Variants in AJAP1 observed in about 807,000 individuals in gnomAD.
The protein encoded by AJAP1 is adherens junction-associated protein 1.
AJAP1 carries 5 observed loss-of-function variants against 35.0 expected under a neutral mutation model. The ratio of observed to expected loss-of-function variants is 0.14; its 90% CI spans 0.07 to 0.30. AJAP1 has a LOEUF of 0.30. Among genes scored for constraint, AJAP1 ranks in the 10% least tolerant of loss-of-function variants. AJAP1 has a pLI of 1.00. For synonymous variants in AJAP1, 284 were observed against 249.3 expected, an observed-to-expected ratio of 1.14 and a Z score of -1.31; for missense variants, 586 against 571.0, an observed-to-expected ratio of 1.03 and a Z score of -0.27.
chr1:4,713,687 T>A (rs755679886), intron 2 of AJAP1, among the ~76,000 whole-genome samples: 3 of 152,230 alleles, frequency 2.0e-5, no homozygotes, highest in Non-Finnish European at 4.4e-5. Context: ...ATGTGCCAGG[T>A]TGGCTCAGAA....
chr1:4,692,356 G>A lies in AJAP1; in HGVS notation c.30-19544G>A, dbSNP rs983005872. On this transcript the variant is annotated intron_variant, in intron 1 of 5. Coordinates refer to ENST00000378191, the MANE Select transcript of AJAP1 (RefSeq NM_018836.4). The surrounding 1 kb of genome is among the most constrained non-coding windows in gnomAD (Gnocchi z 4.4). ...CCCCTCATGCAGCCCTTTCCCTTCTGGCCTCTCAGCCTGCAGGAGAGGCTG... is the reference window on the plus strand; with the variant it reads ...CCCCTCATGCAGCCCTTTCCCTTCTAGCCTCTCAGCCTGCAGGAGAGGCTG... Among the ~76,000 whole-genome samples the A allele has an allele frequency of 2.0e-5, 3 of 152,050 alleles. No individual in the cohort carries two copies. Among genetic ancestry groups the A allele is most frequent in the Middle Eastern group, 3.2e-3 (1 of 316 alleles).
intron 1 of AJAP1, among the ~76,000 whole-genome samples, chr1:4,686,917 T>G (rs1639619426): frequency 6.6e-6 from 1 of 152,194 alleles, no homozygotes; most frequent in Non-Finnish European, 1.5e-5. Flanking sequence ...AAAGGGAATC[T>G]CCACTTCTGC....
rs1290187096 is a variant in AJAP1, at chr1:4,783,469, G to GTATATATATATATA, written c.*985_*986insATATATATATATAT. 13 of 111,484 alleles carry GTATATATATATATA rather than the reference G, an allele frequency of 1.2e-4. No individual in the cohort carries two copies. Among genetic ancestry groups the GTATATATATATATA allele is most frequent in the South Asian group, 3.5e-4 (1 of 2,838 alleles). The allele number at this position is 111,484 out of a possible 1,614,324, so 6.9% of individuals were successfully genotyped here. ...GAATGCCAAGGTTTTATATATGTGT[G>GTATATATATATATA]TGTATATATATATATATATATATAT... On this transcript the variant is annotated 3_prime_UTR_variant, in exon 6 of 6. Coordinates refer to ENST00000378191, the MANE Select transcript of AJAP1 (RefSeq NM_018836.4).
At chr1:4,778,508 C>A (rs1168649921) in intron 5 of AJAP1, among the ~76,000 whole-genome samples, 1 of 152,074 alleles carries the variant, frequency 6.6e-6, no homozygotes, top group African/African-American at 2.4e-5. Flanking sequence ...CAGGAAACCT[C>A]TCCACCCTCT....
At chr1:4,742,699 C>T (rs139166903) in intron 2 of AJAP1, among the ~76,000 whole-genome samples, 1,890 of 152,260 alleles carry the variant, frequency 0.012, 41 homozygotes, top group African/African-American at 0.043. Flanking sequence ...TCACTCTCTG[C>T]AATCTCAGAC....
Position 4,655,290 on chromosome 1 carries a change from C to A in AJAP1, c.-136C>A. The A allele has an allele frequency of 3.3e-6, 2 of 608,898 alleles. No homozygotes were observed. Among genetic ancestry groups the A allele is most frequent in the Non-Finnish European group, 4.3e-6 (2 of 464,546 alleles). The allele number at this position is 608,898 out of a possible 1,614,324, so 37.7% of individuals were successfully genotyped here. ...CCGCGCTCTGACTCGCTGTGCGCCCCGCGGCCGGCGGGCGGCGGGAGGCGG... is the reference window on the plus strand; with the variant it reads ...CCGCGCTCTGACTCGCTGTGCGCCCAGCGGCCGGCGGGCGGCGGGAGGCGG... On this transcript the variant is annotated 5_prime_UTR_variant, in exon 1 of 6. Coordinates refer to ENST00000378191, the MANE Select transcript of AJAP1 (RefSeq NM_018836.4). This position sits in a 1 kb window ranked among gnomAD's most constrained non-coding sequence, Gnocchi z 6.9.
At chr1:4,768,994 G>A (rs1050454913) in intron 2 of AJAP1, among the ~76,000 whole-genome samples, 1 of 152,160 alleles carries the variant, frequency 6.6e-6, no homozygotes, top group Non-Finnish European at 1.5e-5. Context: ...GGTGGGGGAC[G>A]GGAAAGAATC....
At chr1:4,664,568 G>A (rs1321173445) in intron 1 of AJAP1, among the ~76,000 whole-genome samples, 1 of 152,184 alleles carries the variant, frequency 6.6e-6, no homozygotes, top group South Asian at 2.1e-4. Flanking sequence ...CAGCTGGGGG[G>A]CCCCGGTCAT....
intron 2 of AJAP1, among the ~76,000 whole-genome samples, chr1:4,731,103 CAG>C (rs982555180): frequency 2.6e-5 from 4 of 152,138 alleles, no homozygotes; most frequent in African/African-American, 9.7e-5. Flanking sequence ...TGTTTTGAGA[CAG>C]AGTCTTGCTC....
intron 1 of AJAP1, among the ~76,000 whole-genome samples, chr1:4,666,103 G>T (rs1038259736): frequency 2.6e-5 from 4 of 151,572 alleles, no homozygotes; most frequent in African/African-American, 9.7e-5. Flanking sequence ...GCCCACCCAG[G>T]AGGGGCACCC....
intron 1 of AJAP1, among the ~76,000 whole-genome samples, chr1:4,683,468 A>G (rs1264022765): frequency 1.3e-5 from 2 of 152,108 alleles, no homozygotes; most frequent in African/African-American, 2.4e-5. Context: ...TGGGGACCCA[A>G]CTCTCAGGAC....
intron 1 of AJAP1, among the ~76,000 whole-genome samples, chr1:4,688,390 G>A (rs369780052): frequency 2.0e-5 from 3 of 152,096 alleles, no homozygotes; most frequent in Non-Finnish European, 2.9e-5. Context: ...ATTCAAACAC[G>A]GTCTTATGTA....
intron 1 of AJAP1, among the ~76,000 whole-genome samples, chr1:4,669,594 G>A (rs560061754): frequency 5.3e-5 from 8 of 152,266 alleles, no homozygotes; most frequent in Admixed American, 1.3e-4. Flanking sequence ...ACCTGGTCCC[G>A]CCCTTGATTG....
chr1:4,682,767 T>A (rs745583959), intron 1 of AJAP1, among the ~76,000 whole-genome samples: 33 of 152,158 alleles, frequency 2.2e-4, no homozygotes, highest in Non-Finnish European at 1.8e-4. Flanking sequence ...ATGATGGTGA[T>A]TATGATGTTG....
chr1:4,672,924 C>G (rs74051928), intron 1 of AJAP1, among the ~76,000 whole-genome samples: 2,041 of 152,216 alleles, frequency 0.013, 49 homozygotes, highest in African/African-American at 0.047. Flanking sequence ...GAGATGAGGG[C>G]AGGAGGGTGA....
intron 2 of AJAP1, among the ~76,000 whole-genome samples, chr1:4,716,488 G>A (rs995235025): frequency 6.6e-6 from 1 of 152,128 alleles, no homozygotes; most frequent in East Asian, 1.9e-4. Flanking sequence ...TAGTGTAAGG[G>A]TGGTGATGGT....
At chr1:4,673,827 A>G (rs1269613100) in intron 1 of AJAP1, among the ~76,000 whole-genome samples, 5 of 152,060 alleles carry the variant, frequency 3.3e-5, no homozygotes, top group African/African-American at 1.2e-4. Context: ...TCAAGGCTTT[A>G]TACGAGTCAT....
chr1:4,764,210 C>A (rs1641632147), intron 2 of AJAP1, among the ~76,000 whole-genome samples: 1 of 152,188 alleles, frequency 6.6e-6, no homozygotes, highest in Admixed American at 6.5e-5. Context: ...CTCTGGAGAA[C>A]CCTGACGAAT....
At chr1:4,708,449 G>T (rs1640150417) in intron 1 of AJAP1, among the ~76,000 whole-genome samples, 2 of 152,214 alleles carry the variant, frequency 1.3e-5, no homozygotes, top group African/African-American at 4.8e-5. Flanking sequence ...ACAGTGCCAT[G>T]GATGCCCTAT....
Sources: allele counts gnomAD v4.1 joint callset (sites outside exome capture counted in the v4.1 genomes callset), GRCh38; gene constraint gnomAD v4.1.1; non-coding constraint Gnocchi (gnomAD v3.1); transcripts MANE v1.5; gene names NCBI Gene and HGNC (gene_info 2026-07-23, HGNC 2026-07-21).